Variants in CCL3 observed in about 807,000 individuals in gnomAD.
CCL3 encodes C-C motif chemokine 3.
Under a neutral mutation model 8.1 loss-of-function variants are expected in CCL3, and 6 were observed. That is an observed-to-expected ratio of 0.74 (90% CI 0.41 to 1.46). CCL3 has a LOEUF of 1.46. CCL3 is among the 40% of genes most tolerant of loss of function. CCL3 has a pLI of 0.02. For synonymous variants in CCL3, 45 were observed against 45.1 expected (o/e 1.00, Z 0.01); for missense variants, 109 against 117.7 (o/e 0.93, Z 0.34).
chr17:36,089,133 C>A (rs775792139), intron 2 of CCL3, 50 bp downstream of exon 2: 2 of 1,611,360 alleles, frequency 1.2e-6, no homozygotes, highest in East Asian at 4.5e-5. Flanking sequence ...TCTGCCCCAA[C>A]CCTGACCCTC....
rs770996135 is a variant in CCL3, at chr17:36,088,754, G to T, written c.197C>A (p.Thr66Asn). The part of the protein sequence containing the change: ...QCSKPGVIFL[T>N]KRSRQVCADP... ...AGCACAGACCTGCCGGCTTCGCTTG[G>T]TTAGGAAGCTGTGGAGAAGGGAGGA... The change falls in exon 3 of 3, where the codon ACC becomes AAC. Residue 66 changes from threonine to asparagine, a missense_variant. Coordinates refer to ENST00000613922, the MANE Select transcript of CCL3 (RefSeq NM_002983.3). The T allele has an allele frequency of 6.2e-7, 1 of 1,613,910 alleles. No homozygotes were observed. The highest frequency in any genetic ancestry group is 1.7e-5 in the Admixed American group (1 of 60,024).
chr17:36,088,402 C>T lies in CCL3; in HGVS notation c.*270G>A, dbSNP rs952679365. On this transcript the variant is annotated 3_prime_UTR_variant, in exon 3 of 3. Transcript: ENST00000613922. The stretch of plus-strand genomic sequence containing the variant: ...TGACAGCCACTCGGTTGTCACCAGA[C>T]GCGGTGTGAGGGAAGGGGGAGGGGA... 23 of 486,552 alleles carry T rather than the reference C, an allele frequency of 4.7e-5. No individual in the cohort carries two copies. Among genetic ancestry groups the T allele is most frequent in the South Asian group, 1.0e-4 (4 of 40,148 alleles). 30.1% of individuals were successfully genotyped at this position (486,552 alleles called of 1,614,324 possible).
At position 36,090,013 on chromosome 17, in the gene CCL3, C is replaced by A; in HGVS notation, c.46G>T (p.Ala16Ser). 6.2e-7 allele frequency: 1 copy of A among 1,613,838 alleles called. No homozygotes were observed. The highest frequency in any genetic ancestry group is 8.5e-7 in the Non-Finnish European group (1 of 1,180,020). Residue 16 changes from alanine to serine, a missense_variant, in exon 1 of 3, where the codon GCT becomes TCT. Ala to Ser is a moderately conservative substitution (Grantham distance 99). Transcript: ENST00000613922. Reference protein sequence around the residue: ...AALAVLLCTMALCNQFSASLA... With the variant: ...AALAVLLCTMSLCNQFSASLA... Reference sequence around the variant, plus strand: ...GATGCAGAGAACTGGTTGCAGAGAGCCATGGTGCAGAGGAGGACAGCAAGG... The same window carrying A: ...GATGCAGAGAACTGGTTGCAGAGAGACATGGTGCAGAGGAGGACAGCAAGG...
In CCL3 at chr17:36,088,675, G is replaced by A. The variant is rs2067009177; in HGVS notation, c.276C>T (p.Ala92=). The A allele has an allele frequency of 1.2e-6, 2 of 1,613,378 alleles. No individual in the cohort carries two copies. The highest frequency in any genetic ancestry group is 1.7e-6 in the Non-Finnish European group (2 of 1,179,854). ...GGCCTCGAAGCTTCTGGACCCCTCA[G>A]GCACTCAGCTCCAGGTCGCTGACAT... ...QKYVSDLELS[A] Residue 92 remains alanine (A), a synonymous_variant, in exon 3 of 3, where the codon GCC becomes GCT. Coordinates refer to ENST00000613922, the MANE Select transcript of CCL3 (RefSeq NM_002983.3).
chr17:36,088,627 C>A lies in CCL3; in HGVS notation c.*45G>T. 6.2e-7 allele frequency: 1 copy of A among 1,608,382 alleles called. No individual in the cohort carries two copies. The highest frequency in any genetic ancestry group is 1.1e-5 in the South Asian group (1 of 90,940). On this transcript the variant is annotated 3_prime_UTR_variant, in exon 3 of 3. Coordinates refer to ENST00000613922, the MANE Select transcript of CCL3 (RefSeq NM_002983.3). ...CAAGGCTCAGGCTCCTGCTCCTCCCCACTGGGCCCACCGAGGTCGCTGGGC... is the reference window on the plus strand; with the variant it reads ...CAAGGCTCAGGCTCCTGCTCCTCCCAACTGGGCCCACCGAGGTCGCTGGGC...
Position 36,089,569 on chromosome 17 carries a change from G to A in CCL3, c.74-272C>T, listed in dbSNP as rs993721044. 8.1e-5 allele frequency: 49 copies of A among 606,580 alleles called. 1 individual carries two copies. The highest frequency in any genetic ancestry group is 8.0e-4 in the African/African-American group (43 of 53,976). The allele number at this position is 606,580 out of a possible 1,614,324, so 37.6% of individuals were successfully genotyped here. A position where few individuals can be genotyped will look rare whatever the true frequency, so the allele number is the denominator to read the frequency against. On this transcript the variant is annotated intron_variant, in intron 1 of 2. Transcript: ENST00000613922. ...AGTTCTCTTCAGGGAATTTTGTCTG[G>A]TTCAAGAAGTCATACCCCAACCCAA...
At position 36,088,487 on chromosome 17, in the gene CCL3, A is replaced by G. The variant is rs2067006722; in HGVS notation, c.*185T>C. The G allele has an allele frequency of 1.2e-5, 8 of 648,366 alleles. No homozygotes were observed. The highest frequency in any genetic ancestry group is 1.9e-5 in the Non-Finnish European group (7 of 367,796). The allele number at this position is 648,366 out of a possible 1,614,324, so 40.2% of individuals were successfully genotyped here. ...ACTGTGAAATCGAAAATAAATTACAAAAACTAAATAGTATAAATAAATTAA... is the reference window on the plus strand; with the variant it reads ...ACTGTGAAATCGAAAATAAATTACAGAAACTAAATAGTATAAATAAATTAA... On this transcript the variant is annotated 3_prime_UTR_variant, in exon 3 of 3. Transcript: ENST00000613922.
rs1405577870 is a variant in CCL3 at position 36,088,328 on chromosome 17, C to T, written c.*344G>A. 3.0e-6 allele frequency: 1 copy of T among 336,768 alleles called. No individual in the cohort carries two copies. The highest frequency in any genetic ancestry group is 2.2e-5 in the African/African-American group (1 of 46,216). 20.9% of individuals were successfully genotyped at this position (336,768 alleles called of 1,614,324 possible). On this transcript the variant is annotated 3_prime_UTR_variant, in exon 3 of 3. Transcript: ENST00000613922. The stretch of plus-strand genomic sequence containing the variant: ...GCCCTGAACAAAAGCATCCGATACA[C>T]ATTTGTCAGTCTGGTGGCTTTGGTG...
chr17:36,089,434 G>A, intron 1 of CCL3, 137 bp from the exon 2 acceptor site: 1 of 945,116 alleles, frequency 1.1e-6, no homozygotes, highest in Non-Finnish European at 1.7e-6. Flanking sequence ...TTTTTGCTGA[G>A]AAATGTCTCT....
Position 36,088,698 on chromosome 17 carries a change from C to T in CCL3, c.253G>A (p.Val85Ile). The T allele has an allele frequency of 6.2e-7, 1 of 1,613,678 alleles. No individual in the cohort carries two copies. Among genetic ancestry groups the T allele is most frequent in the South Asian group, 1.1e-5 (1 of 91,042 alleles). The change falls in exon 3 of 3, where the codon GTC becomes ATC. Residue 85 changes from valine to isoleucine, a missense_variant. Transcript: ENST00000613922. ...DPSEEWVQKYVSDLELSA is the reference protein window; with the variant it reads ...DPSEEWVQKYISDLELSA The stretch of plus-strand genomic sequence containing the variant: ...CAGGCACTCAGCTCCAGGTCGCTGA[C>T]ATATTTCTGGACCCACTCCTCACTG...
In CCL3 at chr17:36,090,117, A is replaced by G; in HGVS notation, c.-59T>C. 1 of 1,497,234 alleles carries G rather than the reference A, an allele frequency of 6.7e-7. No homozygotes were observed. The highest frequency in any genetic ancestry group is 9.2e-7 in the Non-Finnish European group (1 of 1,083,596). The allele number at this position is 1,497,234 out of a possible 1,614,324, so 92.7% of individuals were successfully genotyped here. A position where few individuals can be genotyped will look rare whatever the true frequency, so the allele number is the denominator to read the frequency against. On this transcript the variant is annotated 5_prime_UTR_variant, in exon 1 of 3. Transcript: ENST00000613922. ...TGTCAGCAGAGCCAAGAAAGGACTG[A>G]CCACTGTCTGCTGCCCGTGTCCTTC...
chr17:36,089,756 A>G (rs530781325), intron 1 of CCL3: 3 of 713,106 alleles, frequency 4.2e-6, no homozygotes, highest in Non-Finnish European at 7.8e-6. Context: ...TCTATCTGTA[A>G]AAGGGACTGT....
At chr17:36,089,402 G>A in intron 1 of CCL3, 105 bp from the exon 2 acceptor site, 1 of 1,399,392 alleles carries the variant, frequency 7.1e-7, no homozygotes, top group Non-Finnish European at 1.0e-6. Context: ...CTCAGACCAA[G>A]TGACTGGAAG....
chr17:36,089,347 G>A (rs1327857233), intron 1 of CCL3, 50 bp from the exon 2 acceptor site: 16 of 1,611,470 alleles, frequency 9.9e-6, no homozygotes, highest in East Asian at 2.2e-5. Context: ...AGAAGAAAAG[G>A]CCAGGCAGCT....
intron 1 of CCL3, chr17:36,089,585 C>A: frequency 1.6e-6 from 1 of 607,370 alleles, no homozygotes. Flanking sequence ...GAAGTCATAC[C>A]CCAACCCAAG....
At chr17:36,089,360 T>C in intron 1 of CCL3, 63 bp from the exon 2 acceptor site, 1 of 1,609,606 alleles carries the variant, frequency 6.2e-7, no homozygotes, top group East Asian at 2.2e-5. Flanking sequence ...AGGCAGCTTC[T>C]GATCCCCGAG....
Position 36,090,091 on chromosome 17 carries a change from G to A in CCL3, c.-33C>T. The A allele has an allele frequency of 6.3e-7, 1 of 1,597,734 alleles. No individual in the cohort carries two copies. Among genetic ancestry groups the A allele is most frequent in the Non-Finnish European group, 8.6e-7 (1 of 1,167,438 alleles). On this transcript the variant is annotated 5_prime_UTR_variant, in exon 1 of 3. Transcript: ENST00000613922. ...AGCAGGTGACGGAATGTGGGCTCGA[G>A]TGTCAGCAGAGCCAAGAAAGGACTG... is the stretch of plus-strand genomic sequence containing the variant.
chr17:36,089,167 G>A lies in CCL3; in HGVS notation c.188+16C>T, dbSNP rs374263473. Reference sequence around the variant, plus strand: ...TCCCTACCTCCATAGAGGTGAGCAGGAAGACTGGCACTTACATGACACCGG... The same window carrying A: ...TCCCTACCTCCATAGAGGTGAGCAGAAAGACTGGCACTTACATGACACCGG... On this transcript the variant is annotated intron_variant, in intron 2 of 2. Coordinates refer to ENST00000613922, the MANE Select transcript of CCL3 (RefSeq NM_002983.3). The A allele has an allele frequency of 9.4e-5, 151 of 1,613,852 alleles. 1 individual carries two copies. In the African/African-American group the frequency reaches 1.9e-3, roughly 20 times the overall value.
intron 1 of CCL3, 45 bp downstream of exon 1, chr17:36,089,941 C>T (rs1239410762): frequency 6.4e-7 from 1 of 1,563,164 alleles, no homozygotes; most frequent in Non-Finnish European, 8.8e-7. Context: ...TGTGGTCTAA[C>T]CATGGCCAGA....
Sources: gnomAD v4.1 joint callset for allele counts on GRCh38, gnomAD v4.1.1 for gene constraint, MANE v1.5 for transcripts, NCBI Gene and HGNC (gene_info 2026-07-23, HGNC 2026-07-21) for gene names.